GPR137B: variants seen among roughly 807,000 people sequenced by gnomAD.
GPR137B encodes integral membrane protein GPR137B.
A neutral mutation model predicts 42.5 loss-of-function variants in GPR137B; 42 were observed. The ratio of observed to expected loss-of-function variants is 0.99; its 90% CI spans 0.77 to 1.28. GPR137B has a LOEUF of 1.28. GPR137B is among the 50% of genes most tolerant of loss of function. The pLI is 0.00. For synonymous variants in GPR137B, 218 were observed against 209.7 expected (o/e 1.04, Z -0.34); for missense variants, 487 against 493.9 (o/e 0.99, Z 0.13).
At chr1:236,166,242 A>G (rs1310324314) in intron 1 of GPR137B, among the ~76,000 whole-genome samples, 1 of 152,018 alleles carries the variant, frequency 6.6e-6, no homozygotes, top group African/African-American at 2.4e-5. Context: ...TTTGTAATGG[A>G]ACTTTGGAGT....
At chr1:236,193,196 A>G (rs906191688) in intron 5 of GPR137B, among the ~76,000 whole-genome samples, 4 of 152,160 alleles carry the variant, frequency 2.6e-5, no homozygotes, top group African/African-American at 9.7e-5. Context: ...TGCCTGGACT[A>G]TAATTTCAAA....
Position 236,142,783 on chromosome 1 carries a change from C to T in GPR137B, c.161C>T (p.Ala54Val), listed in dbSNP as rs776927315. The T allele has an allele frequency of 1.9e-6, 3 of 1,613,874 alleles. No individual in the cohort carries two copies. The highest frequency in any genetic ancestry group is 2.5e-6 in the Non-Finnish European group (3 of 1,179,938). Residue 54 changes from alanine (A) to valine (V), a missense_variant, in exon 1 of 7, where the codon GCG (alanine) becomes GTG (valine). Physicochemically the swap from Ala to Val is moderately conservative, Grantham distance 64. Coordinates refer to ENST00000366592, the MANE Select transcript of GPR137B (RefSeq NM_003272.4). Reference protein sequence around the residue: ...GLTVVYTVFYALLFVFIYVQL... With the variant: ...GLTVVYTVFYVLLFVFIYVQL... ...ACCGTCGTCTACACCGTGTTCTACG[C>T]GCTGCTCTTCGTGTTCATCTACGTG...
intron 6 of GPR137B, chr1:236,207,419 C>A: frequency 3.5e-6 from 1 of 288,270 alleles, no homozygotes; most frequent in Non-Finnish European, 5.2e-6. Flanking sequence ...CTATTAGTTG[C>A]TTTCCCCTTT....
chr1:236,154,970 T>C (rs886644901), intron 1 of GPR137B, among the ~76,000 whole-genome samples: 3 of 152,226 alleles, frequency 2.0e-5, no homozygotes, highest in African/African-American at 7.2e-5. Context: ...TGGTAAACTG[T>C]GAACTGCAAT....
At chr1:236,168,841 A>G (rs1465990736) in intron 2 of GPR137B, 86 bp downstream of exon 2, 5 of 1,008,008 alleles carry the variant, frequency 5.0e-6, no homozygotes, top group Non-Finnish European at 8.0e-6. Context: ...GTTTGCACAC[A>G]TCGCTGTTCT....
At chr1:236,152,773 T>C (rs1054590492) in intron 1 of GPR137B, among the ~76,000 whole-genome samples, 1 of 150,392 alleles carries the variant, frequency 6.6e-6, no homozygotes, top group Non-Finnish European at 1.5e-5. Flanking sequence ...AAACAATGTA[T>C]TGGGCTAGGT....
chr1:236,153,131 G>C (rs1169748473), intron 1 of GPR137B, among the ~76,000 whole-genome samples: 1 of 151,832 alleles, frequency 6.6e-6, no homozygotes, highest in Non-Finnish European at 1.5e-5. Flanking sequence ...AAGCAAAATT[G>C]ACACAATATG....
At chr1:236,164,812 T>A (rs1322622341) in intron 1 of GPR137B, among the ~76,000 whole-genome samples, 1 of 151,936 alleles carries the variant, frequency 6.6e-6, no homozygotes, top group East Asian at 1.9e-4. Context: ...TTTAAAGAAC[T>A]TAAGTTTAGG....
chr1:236,180,081 C>G, intron 4 of GPR137B, 53 bp downstream of exon 4: 1 of 1,494,900 alleles, frequency 6.7e-7, no homozygotes, highest in East Asian at 2.3e-5. Context: ...TTGGTATCCT[C>G]GAGGCATTGG....
intron 1 of GPR137B, among the ~76,000 whole-genome samples, chr1:236,160,405 A>G (rs1662153239): frequency 6.6e-6 from 1 of 152,078 alleles, no homozygotes; most frequent in African/African-American, 2.4e-5. Context: ...CCCTGTCATT[A>G]GGCAGATGGC....
intron 1 of GPR137B, among the ~76,000 whole-genome samples, chr1:236,147,511 T>C (rs1661713745): frequency 6.6e-6 from 1 of 152,212 alleles, no homozygotes; most frequent in Admixed American, 6.5e-5. Flanking sequence ...CACTCCCACT[T>C]GGCCACATGG....
At chr1:236,177,840 G>C (rs777110331) in intron 2 of GPR137B, among the ~76,000 whole-genome samples, 20 of 152,116 alleles carry the variant, frequency 1.3e-4, no homozygotes, top group Non-Finnish European at 2.4e-4. Flanking sequence ...ACAGGGGTGA[G>C]CCACTGCACC....
chr1:236,163,666 T>G (rs760048376), intron 1 of GPR137B, among the ~76,000 whole-genome samples: 1 of 152,166 alleles, frequency 6.6e-6, no homozygotes, highest in African/African-American at 2.4e-5. Flanking sequence ...CTTTTGCTTC[T>G]TCCTCATTTT....
chr1:236,166,570 A>G (rs986633830), intron 1 of GPR137B, among the ~76,000 whole-genome samples: 1 of 145,640 alleles, frequency 6.9e-6, no homozygotes, highest in African/African-American at 2.7e-5. Context: ...ACCTACTTGC[A>G]AAAAGGATTT....
chr1:236,161,783 GA>G (rs564297204), intron 1 of GPR137B, among the ~76,000 whole-genome samples: 3 of 152,248 alleles, frequency 2.0e-5, no homozygotes, highest in African/African-American at 7.2e-5. Flanking sequence ...CGCCATGTAA[GA>G]AATGCCTTTT....
rs1661979502 is a variant in GPR137B at position 236,155,061 on chromosome 1, G to A, written c.414+12025G>A. Among the ~76,000 whole-genome samples, 1 of 152,254 alleles carries A rather than the reference G, an allele frequency of 6.6e-6. No homozygotes were observed. Among genetic ancestry groups the A allele is most frequent in the Non-Finnish European group, 1.5e-5 (1 of 68,054 alleles). ...AGCCCTTGTCATTCCCAAGGCCAAA[G>A]AGAGAGAATCCTGCCAGGGAGGCAG... On this transcript the variant is annotated intron_variant, in intron 1 of 6. Coordinates refer to ENST00000366592, the MANE Select transcript of GPR137B (RefSeq NM_003272.4). This position sits in a 1 kb window ranked among gnomAD's most constrained non-coding sequence, Gnocchi z 4.6.
intron 1 of GPR137B, among the ~76,000 whole-genome samples, chr1:236,154,527 C>T (rs1209057191): frequency 1.3e-5 from 2 of 151,636 alleles, no homozygotes; most frequent in Non-Finnish European, 1.5e-5. Flanking sequence ...ACCAAGTCCC[C>T]ACCCCTAGTG....
chr1:236,146,136 G>A (rs1558476581), intron 1 of GPR137B, among the ~76,000 whole-genome samples: 1 of 152,164 alleles, frequency 6.6e-6, no homozygotes, highest in Non-Finnish European at 1.5e-5. Flanking sequence ...GTGATTACAG[G>A]TGTGAGCCAC....
intron 1 of GPR137B, among the ~76,000 whole-genome samples, chr1:236,151,061 C>T (rs567252846): frequency 3.6e-4 from 55 of 152,292 alleles, no homozygotes; most frequent in African/African-American, 1.1e-3. Context: ...TCCCAAGAGC[C>T]GCTTTTGTCA....
Sources: gnomAD v4.1 joint callset for allele counts (sites outside exome capture counted in the v4.1 genomes callset) on GRCh38, gnomAD v4.1.1 for gene constraint, Gnocchi (gnomAD v3.1) non-coding constraint, MANE v1.5 for transcripts, NCBI Gene and HGNC (gene_info 2026-07-23, HGNC 2026-07-21) for gene names.